PDE1A: variants seen among roughly 807,000 people sequenced by gnomAD.
PDE1A encodes the protein dual specificity calcium/calmodulin-dependent 3',5'-cyclic nucleotide phosphodiesterase 1A.
A neutral mutation model predicts 61.7 loss-of-function variants in PDE1A; 35 were observed. That is an observed-to-expected ratio of 0.57 (90% CI 0.43 to 0.75). The LOEUF is 0.75. Among genes scored for constraint, PDE1A ranks in the 30% least tolerant of loss-of-function variants. PDE1A has a pLI of 0.00. For synonymous variants in PDE1A, 232 were observed against 213.2 expected (o/e 1.09, Z -0.77); for missense variants, 597 against 630.6 (o/e 0.95, Z 0.57).
chr2:182,684,203 G>C, the PDE1A span, among the ~76,000 whole-genome samples: 1 of 150,088 alleles, frequency 6.7e-6, no homozygotes, highest in African/African-American at 2.4e-5. Context: ...ATATAAAAAT[G>C]ATACACCAAA....
At chr2:182,561,337 C>A in the PDE1A span, among the ~76,000 whole-genome samples, 1 of 151,964 alleles carries the variant, frequency 6.6e-6, no homozygotes, top group African/African-American at 2.4e-5. Flanking sequence ...GCTTGTTTTT[C>A]TCAGGTTTGT....
downstream of PDE1A, among the ~76,000 whole-genome samples, chr2:182,144,256 G>GA (rs1420480261): frequency 6.6e-6 from 1 of 152,132 alleles, no homozygotes; most frequent in African/African-American, 2.4e-5. Flanking sequence ...GCTTGCTTTG[G>GA]AAATGCCAGA....
intron 1 of PDE1A, among the ~76,000 whole-genome samples, chr2:182,329,078 T>TA (rs201825958): frequency 0.011 from 1,690 of 152,202 alleles, 25 homozygotes; most frequent in South Asian, 0.069. Flanking sequence ...CCAGCAGGGG[T>TA]AAAAAAATTA....
chr2:182,670,343 C>T, the PDE1A span, among the ~76,000 whole-genome samples: 9 of 152,270 alleles, frequency 5.9e-5, no homozygotes, highest in Non-Finnish European at 1.3e-4. Flanking sequence ...TCCTAGGAAG[C>T]TTGAAAAATT....
chr2:182,606,624 GA>G, the PDE1A span, among the ~76,000 whole-genome samples: 1 of 152,096 alleles, frequency 6.6e-6, no homozygotes, highest in Non-Finnish European at 1.5e-5. Context: ...TATAGAAAAA[GA>G]AGACAGGAAA....
chr2:182,608,608 T>C, the PDE1A span, among the ~76,000 whole-genome samples: 13 of 152,328 alleles, frequency 8.5e-5, no homozygotes, highest in Middle Eastern at 6.8e-3. Context: ...GCTGCTGTGC[T>C]CGATTTCTCG....
At chr2:182,567,331 G>A in the PDE1A span, among the ~76,000 whole-genome samples, 2 of 152,124 alleles carry the variant, frequency 1.3e-5, no homozygotes, top group African/African-American at 2.4e-5. Flanking sequence ...CTGCTCTAAG[G>A]TAATTCTTCA....
At chr2:182,382,818 GTAC>G (rs1436462481) in intron 1 of PDE1A, among the ~76,000 whole-genome samples, 1 of 151,958 alleles carries the variant, frequency 6.6e-6, no homozygotes, top group East Asian at 1.9e-4. Flanking sequence ...CCTATAGGCT[GTAC>G]TAGAAGATTT....
At chr2:182,261,332 A>G (rs1448588631) in intron 2 of PDE1A, among the ~76,000 whole-genome samples, 1 of 152,180 alleles carries the variant, frequency 6.6e-6, no homozygotes, top group Non-Finnish European at 1.5e-5. Context: ...TTATCTCATT[A>G]GTAAAATGCA....
intron 3 of PDE1A, among the ~76,000 whole-genome samples, 188 bp downstream of exon 3, chr2:182,239,922 A>G (rs750009789): frequency 6.6e-6 from 1 of 152,238 alleles, no homozygotes; most frequent in African/African-American, 2.4e-5. Context: ...AAAAGAATGC[A>G]TCCGGGACCA....
rs559763564 is a variant in PDE1A at position 182,465,996 on chromosome 2, T to G, written c.101+56280A>C. Among the ~76,000 whole-genome samples, 69 of 152,184 alleles carry G rather than the reference T, an allele frequency of 4.5e-4. 1 individual carries two copies. The highest frequency in any genetic ancestry group is 1.5e-3 in the African/African-American group (62 of 41,554). ...TTACTATACCAAACAATGATACAAT[T>G]TAGGGTAATATAAGTAAAGAATTTT... On this transcript the variant is annotated intron_variant, in intron 2 of 14. Coordinates refer to the PDE1A transcript ENST00000410103.
chr2:182,656,693 G>A, the PDE1A span, among the ~76,000 whole-genome samples: 1 of 152,030 alleles, frequency 6.6e-6, no homozygotes, highest in Non-Finnish European at 1.5e-5. Context: ...AACTGTATTA[G>A]GCATACCATA....
Position 182,264,298 on chromosome 2 carries a change from T to TA in PDE1A, c.167+2dup, listed in dbSNP as rs750798504. ...GATAAAAGAGAAGAAGGTTAAAACT[T>TA]ACCTTGTTTCATCGATATAAACTGC... On this transcript the variant is annotated splice_region_variant and intron_variant, in intron 2 of 13. Transcript: ENST00000351439. The TA allele has an allele frequency of 5.7e-6, 9 of 1,589,570 alleles. No homozygotes were observed. Among genetic ancestry groups the TA allele is most frequent in the Non-Finnish European group, 7.8e-6 (9 of 1,160,404 alleles).
intron 2 of PDE1A, among the ~76,000 whole-genome samples, chr2:182,438,354 T>C (rs1413887346): frequency 6.6e-6 from 1 of 152,012 alleles, no homozygotes; most frequent in East Asian, 1.9e-4. Context: ...TAAGAAGTCC[T>C]ATGTTGGTCT....
At chr2:182,556,834 T>C in the PDE1A span, among the ~76,000 whole-genome samples, 1 of 152,254 alleles carries the variant, frequency 6.6e-6, no homozygotes, top group Non-Finnish European at 1.5e-5. Flanking sequence ...AGGTACTTCA[T>C]ATAGTAAGCC....
At chr2:182,264,889 A>ATATATATATATATATATATATATATATG (rs1223035626) in intron 1 of PDE1A, among the ~76,000 whole-genome samples, 26 of 140,268 alleles carry the variant, frequency 1.9e-4, no homozygotes, top group Non-Finnish European at 3.2e-4. Flanking sequence ...ATATATATAT[A>ATATATATATATATATATATATATATATG]TATGTATATA....
chr2:182,309,027 T>TAAAA (rs59614735), intron 1 of PDE1A, among the ~76,000 whole-genome samples: 1 of 145,990 alleles, frequency 6.8e-6, no homozygotes, highest in Non-Finnish European at 1.5e-5. Flanking sequence ...AGTCTTGCTT[T>TAAAA]AAAAAAAAAA....
intron 2 of PDE1A, among the ~76,000 whole-genome samples, chr2:182,451,420 A>G (rs1264088224): frequency 6.6e-6 from 1 of 151,956 alleles, no homozygotes; most frequent in African/African-American, 2.4e-5. Context: ...ATACAAATGC[A>G]TAAAGTATTA....
rs762827207 is a variant in PDE1A at position 182,465,681 on chromosome 2, A to T, written c.101+56595T>A. Among the ~76,000 whole-genome samples, 3 of 152,222 alleles carry T rather than the reference A, an allele frequency of 2.0e-5. No homozygotes were observed. The South Asian group carries it at 6.2e-4, about 32-fold the overall frequency. On this transcript the variant is annotated intron_variant, in intron 2 of 14. Coordinates refer to the PDE1A transcript ENST00000410103. ...AATAATTTTTGTCCAGTAGACACAA[A>T]TATTTACTGACTTCACGTCTGCTGA...
Sources: gnomAD v4.1 joint callset for allele counts (sites outside exome capture counted in the v4.1 genomes callset) on GRCh38, gnomAD v4.1.1 for gene constraint, MANE v1.5 for transcripts, NCBI Gene and HGNC (gene_info 2026-07-23, HGNC 2026-07-21) for gene names.